The following PTP4A2 variants were observed in gnomAD, a reference collection of about 807,000 sequenced individuals.
PTP4A2 encodes protein tyrosine phosphatase type IVA 2.
A neutral mutation model predicts 22.9 loss-of-function variants in PTP4A2; 2 were observed. That is an observed-to-expected ratio of 0.09 (90% confidence interval 0.04 to 0.27). The LOEUF (loss-of-function observed/expected upper bound fraction) is 0.27, where lower values mean the gene tolerates loss of function less well. PTP4A2 is among the 10% of genes least tolerant of loss of function. PTP4A2 has a pLI of 1.00. For missense variants in PTP4A2, 103 were observed against 205.1 expected, an observed-to-expected ratio of 0.50 and a Z score of 3.04; for synonymous variants, 68 against 69.1, an observed-to-expected ratio of 0.98 and a Z score of 0.08.
Position 31,938,108 on chromosome 1 carries a change from T to TC in PTP4A2, c.-716dup, listed in dbSNP as rs922864365. ...TAGCGGTGGCGGCGGCGGCGACGAC[T>TC]CCCCCCCAGCCTCGGCGCGCGACAC... On this transcript the variant is annotated 5_prime_UTR_variant, in exon 1 of 6. Coordinates refer to ENST00000647444, the MANE Select transcript of PTP4A2 (RefSeq NM_080391.4). The surrounding 1 kb of genome is among the most constrained non-coding windows in gnomAD (Gnocchi z 4.4). 49 of 130,688 alleles carry TC rather than the reference T, an allele frequency of 3.7e-4. No individual in the cohort carries two copies. Among genetic ancestry groups the TC allele is most frequent in the Non-Finnish European group, 6.7e-4 (42 of 62,790 alleles). 8.1% of individuals were successfully genotyped at this position (130,688 alleles called of 1,614,324 possible). A position where few individuals can be genotyped will look rare whatever the true frequency, so the allele number is the denominator to read the frequency against.
chr1:31,935,613 TCTC>T (rs1652900589), intron 1 of PTP4A2: 1 of 152,198 alleles, frequency 6.6e-6, no homozygotes, highest in Non-Finnish European at 1.5e-5. Context: ...TATCTCTTCT[TCTC>T]ACCACTGTAA....
chr1:31,919,959 G>T (rs567091260), intron 1 of PTP4A2, among the ~76,000 whole-genome samples: 18 of 135,376 alleles, frequency 1.3e-4, no homozygotes, highest in South Asian at 1.0e-3. Context: ...AAACCCCGTC[G>T]CTACTAAAAA....
chr1:31,921,774 T>C (rs945178177), intron 1 of PTP4A2: 4 of 152,180 alleles, frequency 2.6e-5, no homozygotes, highest in South Asian at 2.1e-4. Flanking sequence ...CTGAAATATA[T>C]AGGTAAGTAG....
Position 31,908,124 on chromosome 1 carries a change from A to C in PTP4A2, c.*728T>G, listed in dbSNP as rs1651284608. On this transcript the variant is annotated 3_prime_UTR_variant, in exon 6 of 6. Transcript: ENST00000647444. ...AAAACCACCTGGAAAATATATATATATATATATATATTATATTATATATAT... is the reference window on the plus strand; with the variant it reads ...AAAACCACCTGGAAAATATATATATCTATATATATATTATATTATATATAT... The C allele has an allele frequency of 2.1e-3, 1 of 472 alleles. No homozygotes were observed. Among genetic ancestry groups the C allele is most frequent in the African/African-American group, 7.8e-3 (1 of 128 alleles). 0.0% of individuals were successfully genotyped at this position (472 alleles called of 1,614,324 possible).
chr1:31,919,161 A>T lies in PTP4A2; in HGVS notation c.-96T>A. 1 of 627,766 alleles carries T rather than the reference A, an allele frequency of 1.6e-6. No individual in the cohort carries two copies. The highest frequency in any genetic ancestry group is 1.9e-5 in the South Asian group (1 of 53,760). The allele number at this position is 627,766 out of a possible 1,614,324, so 38.9% of individuals were successfully genotyped here. On this transcript the variant is annotated 5_prime_UTR_variant, in exon 2 of 6. The change abolishes an upstream ATG in the 5' untranslated region. Coordinates refer to ENST00000647444, the MANE Select transcript of PTP4A2 (RefSeq NM_080391.4). ...CTTGAAATGTTTCACAGCAGAAAACATTAAAAAGACCACTAAAATGCCTAT... is the reference window on the plus strand; with the variant it reads ...CTTGAAATGTTTCACAGCAGAAAACTTTAAAAAGACCACTAAAATGCCTAT...
intron 1 of PTP4A2, among the ~76,000 whole-genome samples, chr1:31,929,928 G>A (rs1476023604): frequency 2.0e-5 from 3 of 152,210 alleles, no homozygotes; most frequent in Non-Finnish European, 4.4e-5. Context: ...CAAGTTCCCT[G>A]AGGTTGCAAA....
intron 3 of PTP4A2, chr1:31,912,860 A>C (rs1446515036): frequency 3.1e-6 from 1 of 323,936 alleles, no homozygotes; most frequent in Non-Finnish European, 6.2e-6. Context: ...AGAACACTTC[A>C]TGTAGCCCAT....
chr1:31,933,062 C>A (rs1569652736), intron 1 of PTP4A2: 1 of 151,876 alleles, frequency 6.6e-6, no homozygotes, highest in Non-Finnish European at 1.5e-5. Flanking sequence ...ACTGCAGTGG[C>A]ATAGTCTCGG....
chr1:31,932,152 A>T (rs1358094383), intron 1 of PTP4A2, among the ~76,000 whole-genome samples: 1 of 152,248 alleles, frequency 6.6e-6, no homozygotes, highest in Non-Finnish European at 1.5e-5. Context: ...ATATCTGGCC[A>T]CTGCAGAAAT....
chr1:31,921,499 AAAAC>A (rs2124203239), intron 1 of PTP4A2: 1 of 152,324 alleles, frequency 6.6e-6, no homozygotes, highest in African/African-American at 2.4e-5. Flanking sequence ...CCCTACCAAA[AAAAC>A]AAAGCAAGAA....
chr1:31,920,208 C>T (rs1479588786), intron 1 of PTP4A2, among the ~76,000 whole-genome samples: 1 of 149,028 alleles, frequency 6.7e-6, no homozygotes, highest in East Asian at 2.0e-4. Context: ...CTTTGGGAGG[C>T]TGAGGCGGGC....
intron 1 of PTP4A2, 83 bp downstream of exon 1, chr1:31,937,904 T>A (rs1257524138): frequency 6.8e-6 from 1 of 148,126 alleles, no homozygotes; most frequent in African/African-American, 2.5e-5. Context: ...CGGCCTGCAC[T>A]AATGGCTGCG....
rs1651295190 is a variant in PTP4A2 at position 31,908,135 on chromosome 1, TTATATTATATATATATATATATA to T, written c.*694_*716del. 29 of 3,966 alleles carry T rather than the reference TTATATTATATATATATATATATA, an allele frequency of 7.3e-3. 7 individuals are homozygous for T. The highest frequency in any genetic ancestry group is 0.016 in the African/African-American group (8 of 510). The allele number at this position is 3,966 out of a possible 1,614,324, so 0.2% of individuals were successfully genotyped here. ...GAAAATATATATATATATATATATA[TTATATTATATATATATATATATA>T]TATATATATATATATATATATATAT... On this transcript the variant is annotated 3_prime_UTR_variant, in exon 6 of 6. Transcript: ENST00000647444.
chr1:31,911,803 A>C lies in PTP4A2; in HGVS notation c.213T>G (p.Ala71=). Residue 71 remains alanine (A), a synonymous_variant, in exon 4 of 6, where the codon GCT becomes GCG. Transcript: ENST00000647444. Reference sequence around the variant, plus strand: ...CATCTACTATCTGATTAGGGGGTGGAGCTCCATCATCAAATGGCCAATCCT... The same window carrying C: ...CATCTACTATCTGATTAGGGGGTGGCGCTCCATCATCAAATGGCCAATCCT... ...HVLDWPFDDG[A]PPPNQIVDDW... 1 of 1,579,676 alleles carries C rather than the reference A, an allele frequency of 6.3e-7. No homozygotes were observed. Among genetic ancestry groups the C allele is most frequent in the Non-Finnish European group, 8.6e-7 (1 of 1,169,186 alleles).
intron 1 of PTP4A2, among the ~76,000 whole-genome samples, chr1:31,936,264 C>A (rs1026561477): frequency 6.6e-6 from 1 of 151,962 alleles, no homozygotes; most frequent in East Asian, 1.9e-4. Flanking sequence ...CAAGGTGAAA[C>A]CCCATCTCTA....
intron 1 of PTP4A2, among the ~76,000 whole-genome samples, chr1:31,936,136 G>T (rs1652924508): frequency 6.6e-6 from 1 of 151,622 alleles, no homozygotes; most frequent in Admixed American, 6.6e-5. Context: ...GATTTTGCCT[G>T]TAATTCTATT....
intron 1 of PTP4A2, chr1:31,924,004 A>G (rs1248305903): frequency 6.6e-6 from 1 of 152,188 alleles, no homozygotes. Context: ...AGCAAAACAC[A>G]AGGAAATTCT....
intron 1 of PTP4A2, among the ~76,000 whole-genome samples, chr1:31,920,340 G>A (rs1652080536): frequency 6.7e-6 from 1 of 149,288 alleles, no homozygotes; most frequent in East Asian, 2.0e-4. Context: ...CTACTTGGGA[G>A]GCTGAGGCAG....
chr1:31,911,574 CTTTCA>C (rs753214068), intron 4 of PTP4A2, 117 bp downstream of exon 4: 1 of 949,594 alleles, frequency 1.1e-6, no homozygotes, highest in Admixed American at 3.3e-5. Flanking sequence ...ATTTCCTTTC[CTTTCA>C]GGTAATTTAA....
Sources: allele counts gnomAD v4.1 joint callset (sites outside exome capture counted in the v4.1 genomes callset), GRCh38; gene constraint gnomAD v4.1.1; non-coding constraint Gnocchi (gnomAD v3.1); transcripts MANE v1.5; gene names NCBI Gene and HGNC (gene_info 2026-07-23, HGNC 2026-07-21).